DGCR2: variants seen among roughly 807,000 people sequenced by gnomAD.
DGCR2 encodes the protein DiGeorge syndrome critical region gene 2.
A neutral mutation model predicts 51.6 loss-of-function variants in DGCR2; 24 were observed. The observed-to-expected ratio is 0.47, with a 90% CI of 0.34 to 0.65. DGCR2 has a LOEUF of 0.65. Among genes scored for constraint, DGCR2 ranks in the 30% least tolerant of loss-of-function variants. DGCR2 has a pLI of 0.01. For synonymous variants in DGCR2, 340 were observed against 315.4 expected, an observed-to-expected ratio of 1.08 and a Z score of -0.82; for missense variants, 765 against 772.1, an observed-to-expected ratio of 0.99 and a Z score of 0.11.
chr22:19,064,588 G>C (rs901815452), intron 4 of DGCR2, among the ~76,000 whole-genome samples: 4 of 152,146 alleles, frequency 2.6e-5, no homozygotes, highest in Admixed American at 2.6e-4. Flanking sequence ...ACAAGGAGAG[G>C]GGTACCAATG....
intron 1 of DGCR2, among the ~76,000 whole-genome samples, chr22:19,104,196 G>A (rs576500895): frequency 6.6e-6 from 1 of 152,094 alleles, no homozygotes. Flanking sequence ...TTGACCTCAC[G>A]GAGCCCCTAG....
intron 1 of DGCR2, among the ~76,000 whole-genome samples, chr22:19,118,785 A>G (rs1345950048): frequency 1.3e-5 from 2 of 152,188 alleles, no homozygotes; most frequent in East Asian, 3.8e-4. Flanking sequence ...TCATGATATA[A>G]TTTTGTTTCA....
chr22:19,054,212 T>C (rs2082577786), intron 6 of DGCR2, among the ~76,000 whole-genome samples: 1 of 147,922 alleles, frequency 6.8e-6, no homozygotes, highest in Admixed American at 6.7e-5. Flanking sequence ...TCCTTGTTCT[T>C]AGGAAATACA....
At position 19,057,967 on chromosome 22, in the gene DGCR2, A is replaced by G. The variant is rs766621790; in HGVS notation, c.626-805T>C. ...GGGCTGCCAAGATTCCTTGAGGCTT[A>G]CCCGACCAGGATCAATGGAAACACA... On this transcript the variant is annotated intron_variant, in intron 5 of 9. Coordinates refer to ENST00000263196, the MANE Select transcript of DGCR2 (RefSeq NM_005137.3). This position sits in a 1 kb window ranked among gnomAD's most constrained non-coding sequence, Gnocchi z 5.1. Among the ~76,000 whole-genome samples, 1 of 152,130 alleles carries G rather than the reference A, an allele frequency of 6.6e-6. No homozygotes were observed. Among genetic ancestry groups the G allele is most frequent in the Non-Finnish European group, 1.5e-5 (1 of 67,996 alleles).
chr22:19,064,956 CG>C lies in DGCR2; in HGVS notation c.439del (p.Arg147AlafsTer2). Reference sequence around the variant, plus strand: ...GAAGGTGGCGAGAGAGCCATTCAGGCGCTGGCAGGTCTGCGCGGCATCCCAG... The same window carrying C: ...GAAGGTGGCGAGAGAGCCATTCAGGCCTGGCAGGTCTGCGCGGCATCCCAG... The part of the protein sequence containing the change: ...NYWDAAQTCQ[R>X]LNGSLATFST... On this transcript the variant is annotated frameshift_variant, in exon 4 of 10. Coordinates refer to ENST00000263196, the MANE Select transcript of DGCR2 (RefSeq NM_005137.3). LOFTEE classifies it high-confidence loss of function. 6.2e-7 allele frequency: 1 copy of C among 1,614,004 alleles called. No individual in the cohort carries two copies. Among genetic ancestry groups the C allele is most frequent in the Non-Finnish European group, 8.5e-7 (1 of 1,180,048 alleles).
intron 4 of DGCR2, among the ~76,000 whole-genome samples, chr22:19,064,040 G>C (rs1284209921): frequency 6.6e-6 from 1 of 152,208 alleles, no homozygotes; most frequent in Non-Finnish European, 1.5e-5. Context: ...TGCAGGCCTA[G>C]CACTGAAAGG....
chr22:19,076,878 C>T (rs1284153213), intron 2 of DGCR2, among the ~76,000 whole-genome samples: 4 of 151,672 alleles, frequency 2.6e-5, no homozygotes, highest in South Asian at 2.1e-4. Context: ...CTAAGGCGCC[C>T]GCCACCACAC....
Position 19,068,194 on chromosome 22 carries a change from C to A in DGCR2, c.234G>T (p.Gly78=), listed in dbSNP as rs1251174643. ...CCTGCCGCGGATCCACAGCCTCCTT[C>A]CCATGATGAGGACGCACCTCCCCGG... The part of the protein sequence containing the change: ...EVTGEVRPHH[G]KEAVDPRQGR... The change falls in exon 3 of 10, where the codon GGG becomes GGT. Residue 78 remains glycine (G), a synonymous_variant. Transcript: ENST00000263196. The A allele has an allele frequency of 7.5e-6, 12 of 1,610,730 alleles. No homozygotes were observed. The highest frequency in any genetic ancestry group is 8.5e-6 in the Non-Finnish European group (10 of 1,178,728).
intron 1 of DGCR2, among the ~76,000 whole-genome samples, chr22:19,099,478 G>C (rs1169365326): frequency 6.6e-6 from 1 of 151,940 alleles, no homozygotes; most frequent in African/African-American, 2.4e-5. Context: ...AGCTACTCAG[G>C]AGGCTGAGGT....
At chr22:19,048,833 C>T (rs2082518938) in intron 6 of DGCR2, among the ~76,000 whole-genome samples, 190 bp from the exon 7 acceptor site, 1 of 152,194 alleles carries the variant, frequency 6.6e-6, no homozygotes, top group South Asian at 2.1e-4. Flanking sequence ...GGCATCAAAG[C>T]CTCTAAGACA....
intron 7 of DGCR2, chr22:19,047,734 G>T (rs1419167861): frequency 6.6e-6 from 1 of 152,590 alleles, no homozygotes; most frequent in Non-Finnish European, 1.5e-5. Context: ...CTACCTTAAA[G>T]CCCCCGCCTG....
At chr22:19,049,120 G>A (rs890929588) in intron 6 of DGCR2, among the ~76,000 whole-genome samples, 2 of 152,250 alleles carry the variant, frequency 1.3e-5, no homozygotes, top group Non-Finnish European at 2.9e-5. Context: ...CAGGGTCACT[G>A]CAGAAGTGTT....
intron 2 of DGCR2, among the ~76,000 whole-genome samples, chr22:19,088,250 G>A (rs890619850): frequency 3.9e-5 from 6 of 152,180 alleles, no homozygotes; most frequent in Admixed American, 3.3e-4. Context: ...ATCAAGCCTG[G>A]GCACCAGGAA....
intron 9 of DGCR2, 135 bp from the exon 10 acceptor site, chr22:19,039,256 G>A: frequency 8.7e-7 from 1 of 1,152,050 alleles, no homozygotes; most frequent in East Asian, 2.5e-5. Flanking sequence ...CAGGACCTGG[G>A]TGGCTCCCCC....
At chr22:19,094,645 T>C (rs1471848971) in intron 1 of DGCR2, among the ~76,000 whole-genome samples, 2 of 152,218 alleles carry the variant, frequency 1.3e-5, no homozygotes, top group Non-Finnish European at 2.9e-5. Context: ...CATTCCTAGG[T>C]ATTTAACCAA....
chr22:19,069,279 A>ATC (rs768184733), intron 2 of DGCR2, among the ~76,000 whole-genome samples: 2 of 152,320 alleles, frequency 1.3e-5, no homozygotes, highest in South Asian at 2.1e-4. Flanking sequence ...TCCTTCCCTG[A>ATC]ACCTGAACCG....
chr22:19,112,266 C>A (rs1396279735), intron 1 of DGCR2, among the ~76,000 whole-genome samples: 4 of 129,954 alleles, frequency 3.1e-5, no homozygotes, highest in African/African-American at 1.3e-4. Context: ...CAGCAAGACT[C>A]CATCTTTTAA....
intron 4 of DGCR2, among the ~76,000 whole-genome samples, chr22:19,063,562 G>C (rs2082712654): frequency 6.6e-6 from 1 of 151,062 alleles, no homozygotes; most frequent in Non-Finnish European, 1.5e-5. Context: ...TATTGGCCAG[G>C]ATGGTCTCGA....
chr22:19,066,433 C>A (rs200738657), intron 3 of DGCR2, among the ~76,000 whole-genome samples: 114 of 150,712 alleles, frequency 7.6e-4, no homozygotes, highest in East Asian at 2.3e-3. Context: ...AACAAACAAA[C>A]AAAAAAAAAC....
Sources: allele counts gnomAD v4.1 joint callset (sites outside exome capture counted in the v4.1 genomes callset), GRCh38; gene constraint gnomAD v4.1.1; non-coding constraint Gnocchi (gnomAD v3.1); transcripts MANE v1.5; gene names NCBI Gene and HGNC (gene_info 2026-07-23, HGNC 2026-07-21).